Variants in RDH8 observed in about 807,000 individuals in gnomAD.
RDH8 encodes the protein retinol dehydrogenase 8.
A neutral mutation model predicts 22.3 loss-of-function variants in RDH8; 14 were observed. That is an observed-to-expected ratio of 0.63 (90% confidence interval 0.42 to 0.98). The LOEUF is 0.98. Among genes scored for constraint, RDH8 ranks in the 50% least tolerant of loss-of-function variants. The probability of loss-of-function intolerance (pLI) is 0.00; values close to 1 mark genes in which losing one functional copy is unlikely to be tolerated. For missense variants in RDH8, 389 were observed against 409.8 expected (o/e 0.95, Z 0.44); for synonymous variants, 175 against 171.7 (o/e 1.02, Z -0.15).
At chr19:10,020,408 G>A (rs1356179595) in intron 3 of RDH8, among the ~76,000 whole-genome samples, 1 of 150,738 alleles carries the variant, frequency 6.6e-6, no homozygotes, top group Non-Finnish European at 1.5e-5. Flanking sequence ...CTAATGAAGA[G>A]AAAAATGAAG....
chr19:10,017,397 G>T (rs969220557), intron 2 of RDH8, among the ~76,000 whole-genome samples, 182 bp downstream of exon 2: 1 of 152,182 alleles, frequency 6.6e-6, no homozygotes, highest in South Asian at 2.1e-4. Flanking sequence ...ATTTATTAAG[G>T]GCTGGGTGCA....
rs747087379 is a variant in RDH8 at position 10,017,078 on chromosome 19, T to G, written c.125T>G (p.Leu42Arg). The change falls in exon 2 of 6, where the codon CTG becomes CGG. Residue 42 changes from leucine (L) to arginine (R), a missense_variant. Leu to Arg is a moderately radical substitution (Grantham distance 102). Transcript: ENST00000591589. ...GCAGTCGTGGCCACCATGAGGGACC[T>G]GGGGAAGAAGGAGACACTGGAGGCA... The part of the protein sequence containing the change: ...RYQVVATMRD[L>R]GKKETLEAAA... The G allele has an allele frequency of 5.0e-6, 8 of 1,590,350 alleles. No homozygotes were observed. The highest frequency in any genetic ancestry group is 6.0e-6 in the Non-Finnish European group (7 of 1,165,440).
chr19:10,018,168 G>C, intron 2 of RDH8, among the ~76,000 whole-genome samples: 1 of 151,938 alleles, frequency 6.6e-6, no homozygotes, highest in Non-Finnish European at 1.5e-5. Flanking sequence ...TGGTCTCGAA[G>C]CCTGACCTCA....
intron 3 of RDH8, among the ~76,000 whole-genome samples, chr19:10,020,358 G>GAGGA (rs1555744730): frequency 7.5e-6 from 1 of 134,042 alleles, no homozygotes; most frequent in Non-Finnish European, 1.6e-5. Flanking sequence ...GGGAGGGAGG[G>GAGGA]AGGAAGGAAG....
intron 1 of RDH8, among the ~76,000 whole-genome samples, chr19:10,014,122 T>C (rs1193490908): frequency 6.6e-6 from 1 of 152,218 alleles, no homozygotes; most frequent in Non-Finnish European, 1.5e-5. Flanking sequence ...TTCTAAGAAC[T>C]TGCCCTTCTG....
At chr19:10,017,852 G>A (rs533434738) in intron 2 of RDH8, among the ~76,000 whole-genome samples, 3 of 151,848 alleles carry the variant, frequency 2.0e-5, no homozygotes, top group East Asian at 3.9e-4. Context: ...CACCGTGTTG[G>A]TCAGGCTGGT....
intron 1 of RDH8, among the ~76,000 whole-genome samples, chr19:10,015,956 C>CA (rs1251036060): frequency 0.015 from 2,127 of 138,212 alleles, 40 homozygotes; most frequent in African/African-American, 0.043. Context: ...AACTTCGTCT[C>CA]AAAAAAAAAA....
rs770645964 is a variant in RDH8, at chr19:10,015,642, A to AG, written c.104-1412dup. ...AGACTCCGTCTCAAAAAAAAAAAAA[A>AG]GGGCATAAAAGCTTGGCCAGGTGCT... On this transcript the variant is annotated intron_variant, in intron 1 of 5. Coordinates refer to ENST00000591589, the MANE Select transcript of RDH8 (RefSeq NM_015725.4). Among the ~76,000 whole-genome samples the AG allele has an allele frequency of 2.8e-3, 424 of 150,576 alleles. 3 individuals are homozygous for AG. Among genetic ancestry groups the AG allele is most frequent in the Non-Finnish European group, 2.1e-3 (141 of 67,678 alleles).
At chr19:10,020,974 C>T (rs1207747384) in intron 4 of RDH8, 172 bp downstream of exon 4, 2 of 645,084 alleles carry the variant, frequency 3.1e-6, no homozygotes, top group East Asian at 5.5e-5. Flanking sequence ...GCATTTGAGA[C>T]CAGCCTGGGC....
chr19:10,015,879 G>C (rs1449084317), intron 1 of RDH8, among the ~76,000 whole-genome samples: 2 of 151,836 alleles, frequency 1.3e-5, no homozygotes, highest in Non-Finnish European at 2.9e-5. Flanking sequence ...TTGAACCCAG[G>C]AGGTGGAGGT....
In RDH8 at chr19:10,017,142, C is replaced by G; in HGVS notation, c.189C>G (p.Ala63=). The G allele has an allele frequency of 6.2e-7, 1 of 1,611,722 alleles. No individual in the cohort carries two copies. The change falls in exon 2 of 6, where the codon GCC becomes GCG. Residue 63 remains alanine (A), a synonymous_variant. Transcript: ENST00000591589. ...CTCTGGGGCAGACCCTCACCGTGGC[C>G]CAGCTGGACGTGTGCAGTGATGAGT... ...GEALGQTLTV[A]QLDVCSDESV...
At chr19:10,016,910 C>A in intron 1 of RDH8, 147 bp from the exon 2 acceptor site, 2 of 817,832 alleles carry the variant, frequency 2.4e-6, no homozygotes, top group Non-Finnish European at 3.6e-6. Flanking sequence ...CAAGTGTGCA[C>A]TTGTTGGCTG....
At position 10,021,798 on chromosome 19, in the gene RDH8, A is replaced by G. The variant is rs369641808; in HGVS notation, c.*49A>G. 18 of 1,545,316 alleles carry G rather than the reference A, an allele frequency of 1.2e-5. No individual in the cohort carries two copies. The Admixed American group carries it at 1.5e-4, about 13-fold the overall frequency. Reference sequence around the variant, plus strand: ...CATCCCTGAACAACCAGACCTCTTCATTCCACATCTAATTCAAAGGATGAA... The same window carrying G: ...CATCCCTGAACAACCAGACCTCTTCGTTCCACATCTAATTCAAAGGATGAA... On this transcript the variant is annotated 3_prime_UTR_variant, in exon 6 of 6. Transcript: ENST00000591589.
intron 4 of RDH8, chr19:10,021,007 A>T: frequency 1.6e-6 from 1 of 627,190 alleles, no homozygotes; most frequent in Non-Finnish European, 2.8e-6. Context: ...CCCCCATCTC[A>T]GCCCAAAATT....
At position 10,014,473 on chromosome 19, in the gene RDH8, G is replaced by A. The variant is rs375554974; in HGVS notation, c.103+873G>A. Among the ~76,000 whole-genome samples, 20 of 152,272 alleles carry A rather than the reference G, an allele frequency of 1.3e-4. No homozygotes were observed. The South Asian group carries it at 3.7e-3, about 28-fold the overall frequency. On this transcript the variant is annotated intron_variant, in intron 1 of 5. Transcript: ENST00000591589. ...TGCATTCTAAGTGCCCTGAATCCAG[G>A]AAGTCATTTAATCCTCACATCACAC...
rs745715636 is a variant in RDH8, at chr19:10,020,789, C to T, written c.523C>T (p.Gln175Ter). 6 of 1,608,552 alleles carry T rather than the reference C, an allele frequency of 3.7e-6. No individual in the cohort carries two copies. In the South Asian group the frequency reaches 6.7e-5, roughly 18 times the overall value. ...FFESLAIQLL[Q>*]FNIFISLVEP... Reference sequence around the variant, plus strand: ...CGAAAGCCTCGCTATCCAGCTGCTGCAGTTCAACATCTTGTGAGGCGGGCA... The same window carrying T: ...CGAAAGCCTCGCTATCCAGCTGCTGTAGTTCAACATCTTGTGAGGCGGGCA... Residue 175 changes from glutamine (Q) to a stop codon, truncating the protein, a stop_gained, in exon 4 of 6, where the codon CAG (glutamine) becomes TAG (stop). Coordinates refer to ENST00000591589, the MANE Select transcript of RDH8 (RefSeq NM_015725.4). LOFTEE classifies it high-confidence loss of function.
rs777273898 is a variant in RDH8, at chr19:10,020,711, G to A, written c.445G>A (p.Val149Ile). The change falls in exon 4 of 6, where the codon GTC (valine) becomes ATC (isoleucine). Residue 149 changes from valine to isoleucine, a missense_variant and splice_region_variant. Transcript: ENST00000591589. The stretch of plus-strand genomic sequence containing the variant: ...TCTCCTCCCTCTGACCCTCACAGGT[G>A]TCATCTTCAACGATGTCTATGCAGC... ...VISSVMGLQG[V>I]IFNDVYAASK... The A allele has an allele frequency of 1.9e-6, 3 of 1,607,286 alleles. No individual in the cohort carries two copies. Among genetic ancestry groups the A allele is most frequent in the South Asian group, 1.1e-5 (1 of 90,020 alleles).
rs763710672 is a variant in RDH8 at position 10,021,261 on chromosome 19, C to A, written c.543C>A (p.Ser181=). ...IQLLQFNIFI[S]LVEPGPVVTE... The stretch of plus-strand genomic sequence containing the variant: ...ACCCATGCCTGGTCGCCAGCATCTC[C>A]CTGGTGGAGCCAGGCCCCGTGGTCA... The change falls in exon 5 of 6, where the codon TCC becomes TCA. Residue 181 remains serine, a synonymous_variant. Transcript: ENST00000591589. 1.9e-6 allele frequency: 3 copies of A among 1,613,940 alleles called. No individual in the cohort carries two copies. The highest frequency in any genetic ancestry group is 2.2e-5 in the East Asian group (1 of 44,886).
rs2087623455 is a variant in RDH8, at chr19:10,017,005, C to T, written c.104-52C>T. 20 of 1,447,348 alleles carry T rather than the reference C, an allele frequency of 1.4e-5. 1 individual carries two copies. In the South Asian group the frequency reaches 3.1e-4, roughly 23 times the overall value. The allele number at this position is 1,447,348 out of a possible 1,614,324, so 89.7% of individuals were successfully genotyped here. A position where few individuals can be genotyped will look rare whatever the true frequency, so the allele number is the denominator to read the frequency against. Reference sequence around the variant, plus strand: ...AGATCACAGACACGTGGCGCCCACACCAAGGGGAAAGGAGCTCAGTGCCTG... The same window carrying T: ...AGATCACAGACACGTGGCGCCCACATCAAGGGGAAAGGAGCTCAGTGCCTG... On this transcript the variant is annotated intron_variant, in intron 1 of 5. Transcript: ENST00000591589.
Sources: allele counts gnomAD v4.1 joint callset (sites outside exome capture counted in the v4.1 genomes callset), GRCh38; gene constraint gnomAD v4.1.1; transcripts MANE v1.5; gene names NCBI Gene and HGNC (gene_info 2026-07-23, HGNC 2026-07-21).